SLC44A2: variants seen among roughly 807,000 people sequenced by gnomAD.
SLC44A2 encodes the protein choline transporter-like protein 2.
Under a neutral mutation model 90.8 loss-of-function variants are expected in SLC44A2, and 57 were observed. The observed-to-expected ratio is 0.63, with a 90% CI of 0.51 to 0.78. The LOEUF is 0.78. Among genes scored for constraint, SLC44A2 ranks in the 30% least tolerant of loss-of-function variants. The pLI is 0.00. For synonymous variants in SLC44A2, 355 were observed against 360.7 expected, an observed-to-expected ratio of 0.98 and a Z score of 0.18; for missense variants, 794 against 919.7, an observed-to-expected ratio of 0.86 and a Z score of 1.77.
At chr19:10,635,773 CTTTTT>C (rs773477557) in intron 14 of SLC44A2, 14 of 206,024 alleles carry the variant, frequency 6.8e-5, no homozygotes, top group Admixed American at 2.5e-4. Flanking sequence ...TCCCTACTTC[CTTTTT>C]TTTTTTTTTT....
At chr19:10,612,204 C>CAA (rs376661857) in intron 1 of SLC44A2, among the ~76,000 whole-genome samples, 304 of 151,566 alleles carry the variant, frequency 2.0e-3, no homozygotes, top group African/African-American at 7.0e-3. Context: ...CCTGTTTCTG[C>CAA]AAAACAAAAA....
intron 2 of SLC44A2, among the ~76,000 whole-genome samples, chr19:10,626,618 G>A (rs559231090): frequency 4.1e-5 from 6 of 146,774 alleles, no homozygotes; most frequent in East Asian, 4.0e-4. Flanking sequence ...GAGATGTTTC[G>A]CTGTGTTGCC....
Position 10,636,600 on chromosome 19 carries a change from C to G in SLC44A2, c.1496+15C>G. 6.2e-7 allele frequency: 1 copy of G among 1,603,696 alleles called. No individual in the cohort carries two copies. The highest frequency in any genetic ancestry group is 8.5e-7 in the Non-Finnish European group (1 of 1,175,486). On this transcript the variant is annotated intron_variant, in intron 15 of 21. Transcript: ENST00000335757. Reference sequence around the variant, plus strand: ...CGGGCGCTCAGGTGGGCTGGCGTTGCAGGCAGGATGGGGTGGAGGACGAGG... The same window carrying G: ...CGGGCGCTCAGGTGGGCTGGCGTTGGAGGCAGGATGGGGTGGAGGACGAGG...
chr19:10,627,059 A>G (rs1313653153), intron 2 of SLC44A2, among the ~76,000 whole-genome samples: 1 of 152,020 alleles, frequency 6.6e-6, no homozygotes, highest in East Asian at 1.9e-4. Flanking sequence ...GGTGGCTCAC[A>G]CCTATAATCC....
At chr19:10,636,260 T>C in intron 14 of SLC44A2, 63 bp from the exon 15 acceptor site, 1 of 1,554,674 alleles carries the variant, frequency 6.4e-7, no homozygotes. Context: ...CACCTGATGC[T>C]CAGAGCCCAC....
At chr19:10,636,221 T>C in intron 14 of SLC44A2, 102 bp from the exon 15 acceptor site, 1 of 1,358,118 alleles carries the variant, frequency 7.4e-7, no homozygotes, top group Non-Finnish European at 1.0e-6. Context: ...CTATGTCTCC[T>C]GTCCTACCTC....
chr19:10,610,519 A>T (rs1354536775), intron 1 of SLC44A2, among the ~76,000 whole-genome samples: 1 of 148,148 alleles, frequency 6.8e-6, no homozygotes, highest in East Asian at 2.0e-4. Context: ...TTTTTTTAGT[A>T]GAAACGGGGT....
chr19:10,614,079 C>A (rs2066836098), intron 1 of SLC44A2, among the ~76,000 whole-genome samples: 1 of 152,034 alleles, frequency 6.6e-6, no homozygotes, highest in Non-Finnish European at 1.5e-5. Flanking sequence ...AATTCTACTG[C>A]CTCAGCCTCC....
intron 13 of SLC44A2, 40 bp downstream of exon 13, chr19:10,635,295 G>A (rs375624425): frequency 1.5e-4 from 246 of 1,609,662 alleles, no homozygotes; most frequent in Admixed American, 7.5e-4. Context: ...CCCAGGGATG[G>A]CTAAAGACCA....
At chr19:10,642,800 C>A in intron 21 of SLC44A2, 1 of 1,405,964 alleles carries the variant, frequency 7.1e-7, no homozygotes, top group Non-Finnish European at 9.4e-7. Flanking sequence ...TTCCTCTCCT[C>A]CATGCCTGCT....
intron 1 of SLC44A2, among the ~76,000 whole-genome samples, chr19:10,617,355 G>A (rs1352066961): frequency 6.6e-6 from 1 of 152,094 alleles, no homozygotes; most frequent in Non-Finnish European, 1.5e-5. Context: ...CCCAGCTAAG[G>A]TTAATAAGAG....
intron 2 of SLC44A2, among the ~76,000 whole-genome samples, chr19:10,626,868 C>T (rs1223184626): frequency 1.3e-5 from 2 of 151,564 alleles, no homozygotes; most frequent in South Asian, 2.1e-4. Flanking sequence ...TCTGTCTCAG[C>T]CTCTCCAGTA....
chr19:10,628,088 T>A lies in SLC44A2; in HGVS notation c.245+84T>A. Reference sequence around the variant, plus strand: ...CATTCCCCATCTCTCTAAGTCCAGTTAACAAGTGCTTATAGGCTGGGCGCG... The same window carrying A: ...CATTCCCCATCTCTCTAAGTCCAGTAAACAAGTGCTTATAGGCTGGGCGCG... On this transcript the variant is annotated intron_variant, in intron 4 of 21. Coordinates refer to ENST00000335757, the MANE Select transcript of SLC44A2 (RefSeq NM_020428.4). The A allele has an allele frequency of 3.9e-6, 5 of 1,274,498 alleles. No individual in the cohort carries two copies. In the South Asian group the frequency reaches 5.1e-5, roughly 13 times the overall value. 78.9% of individuals were successfully genotyped at this position (1,274,498 alleles called of 1,614,324 possible).
At chr19:10,627,663 T>G in intron 2 of SLC44A2, 59 bp from the exon 3 acceptor site, 1 of 1,580,628 alleles carries the variant, frequency 6.3e-7, no homozygotes, top group Non-Finnish European at 8.7e-7. Flanking sequence ...AGAGGGCAGA[T>G]GGGCCCATGG....
chr19:10,604,939 C>T (rs549108868), intron 1 of SLC44A2, among the ~76,000 whole-genome samples: 20 of 152,234 alleles, frequency 1.3e-4, no homozygotes, highest in African/African-American at 4.1e-4. Flanking sequence ...TGGGCCCCGG[C>T]GGATGTCAGC....
At position 10,642,470 on chromosome 19, in the gene SLC44A2, C is replaced by T. The variant is rs1431561152; in HGVS notation, c.2014+19C>T. 3.7e-6 allele frequency: 6 copies of T among 1,610,992 alleles called. No homozygotes were observed. The South Asian group carries it at 6.6e-5, about 18-fold the overall frequency. On this transcript the variant is annotated intron_variant, in intron 21 of 21. Coordinates refer to ENST00000335757, the MANE Select transcript of SLC44A2 (RefSeq NM_020428.4). Reference sequence around the variant, plus strand: ...TGCTTCTGTGAGTGACCCCTCACCCCAAACCTTGCTGGGCCCCGAATCCCT... The same window carrying T: ...TGCTTCTGTGAGTGACCCCTCACCCTAAACCTTGCTGGGCCCCGAATCCCT...
At position 10,636,489 on chromosome 19, in the gene SLC44A2, C is replaced by T. The variant is rs1336119913; in HGVS notation, c.1400C>T (p.Thr467Met). 2 of 1,613,076 alleles carry T rather than the reference C, an allele frequency of 1.2e-6. No homozygotes were observed. Among genetic ancestry groups the T allele is most frequent in the Non-Finnish European group, 1.7e-6 (2 of 1,180,036 alleles). ...ANFVLALGQV[T>M]LAGAFASYYW... is the part of the protein sequence containing the mutation. Reference sequence around the variant, plus strand: ...TTCGTGCTGGCGCTGGGCCAGGTCACGCTGGCCGGGGCCTTTGCCTCCTAC... The same window carrying T: ...TTCGTGCTGGCGCTGGGCCAGGTCATGCTGGCCGGGGCCTTTGCCTCCTAC... Residue 467 changes from threonine to methionine, a missense_variant, in exon 15 of 22, where the codon ACG (threonine) becomes ATG (methionine). By Grantham distance (81) the Thr-to-Met change is moderately conservative (BLOSUM62 -1). This residue lies in a region of SLC44A2 where 738 missense variants were observed against 841.1 expected (regional missense o/e 0.88). Transcript: ENST00000335757.
At chr19:10,615,993 C>G (rs142799255) in intron 1 of SLC44A2, among the ~76,000 whole-genome samples, 128 of 152,052 alleles carry the variant, frequency 8.4e-4, no homozygotes, top group Non-Finnish European at 6.0e-4. Flanking sequence ...GAAACCCTGT[C>G]TCTACCAAAA....
chr19:10,632,460 T>C (rs138838423), intron 10 of SLC44A2, among the ~76,000 whole-genome samples: 2,338 of 144,306 alleles, frequency 0.016, 64 homozygotes, highest in African/African-American at 0.055. Flanking sequence ...CGCTTGAACC[T>C]GGGAGGCGGA....
Sources: gnomAD v4.1 joint callset for allele counts (sites outside exome capture counted in the v4.1 genomes callset) on GRCh38, gnomAD v4.1.1 for gene constraint, gnomAD v4.1.1 regional missense constraint, MANE v1.5 for transcripts, NCBI Gene and HGNC (gene_info 2026-07-23, HGNC 2026-07-21) for gene names.